LITAF: variants seen among roughly 807,000 people sequenced by gnomAD.
LITAF encodes lipopolysaccharide induced TNF factor.
In LITAF, 9 loss-of-function variants were observed where a neutral mutation model predicts 14.5. That is an observed-to-expected ratio of 0.62 (90% CI 0.37 to 1.08). The LOEUF (loss-of-function observed/expected upper bound fraction) is 1.08, where lower values mean the gene tolerates loss of function less well. Among genes scored for constraint, LITAF ranks in the 50% least tolerant of loss-of-function variants. The probability of loss-of-function intolerance (pLI) is 0.01; values close to 1 mark genes in which losing one functional copy is unlikely to be tolerated. For synonymous variants in LITAF, 98 were observed against 88.2 expected (o/e 1.11, Z -0.62); for missense variants, 206 against 213.4 (o/e 0.97, Z 0.22).
intron 3 of LITAF, among the ~76,000 whole-genome samples, chr16:11,623,618 A>C (rs9936477): frequency 0.88 from 132,603 of 151,440 alleles, 58,162 homozygotes; most frequent in East Asian, 1. Context: ...TGAGATCACA[A>C]CCTTGCACTC....
At chr16:11,622,409 A>G (rs1015421663) in intron 3 of LITAF, among the ~76,000 whole-genome samples, 11 of 152,198 alleles carry the variant, frequency 7.2e-5, no homozygotes, top group Admixed American at 6.5e-4. Flanking sequence ...CCCAGGAAAA[A>G]CAAACCCCGG....
upstream of LITAF, among the ~76,000 whole-genome samples, chr16:11,599,468 C>T (rs970887570): frequency 6.6e-6 from 1 of 152,084 alleles, no homozygotes. Context: ...CAAAACAAAA[C>T]CCTGCAAGGC....
At chr16:11,554,787 C>CA (rs56346206) in intron 2 of LITAF, among the ~76,000 whole-genome samples, 992 of 64,098 alleles carry the variant, frequency 0.015, 14 homozygotes, top group African/African-American at 0.038. Context: ...GACTCTACCT[C>CA]AAAAAAAAAA....
chr16:11,627,033 C>T (rs1399478742), intron 3 of LITAF, among the ~76,000 whole-genome samples: 2 of 152,046 alleles, frequency 1.3e-5, no homozygotes, highest in Non-Finnish European at 2.9e-5. Flanking sequence ...AGTCTGATCC[C>T]ATCCCCCTAG....
intron 2 of LITAF, among the ~76,000 whole-genome samples, chr16:11,555,850 T>C (rs952257855): frequency 1.2e-4 from 19 of 152,154 alleles, no homozygotes; most frequent in African/African-American, 4.6e-4. Context: ...CTCACTGATA[T>C]TTATAAATAG....
chr16:11,551,561 C>T (rs1318021298), intron 3 of LITAF: 2 of 468,234 alleles, frequency 4.3e-6, no homozygotes, highest in Non-Finnish European at 7.6e-6. Context: ...TTCTATTCCT[C>T]TATAATCCCA....
intron 1 of LITAF, among the ~76,000 whole-genome samples, chr16:11,596,692 G>A (rs1378164134): frequency 1.1e-5 from 1 of 91,842 alleles, no homozygotes; most frequent in Admixed American, 1.1e-4. Flanking sequence ...GGAGGGGGAA[G>A]GAGCAGGGGG....
chr16:11,572,105 TAAAC>T (rs935044834), intron 1 of LITAF, among the ~76,000 whole-genome samples: 11 of 151,800 alleles, frequency 7.2e-5, no homozygotes, highest in African/African-American at 2.2e-4. Context: ...AATAAATAAA[TAAAC>T]AAACAAACAA....
intron 1 of LITAF, among the ~76,000 whole-genome samples, chr16:11,575,742 A>G (rs1263582517): frequency 6.6e-6 from 1 of 152,170 alleles, no homozygotes; most frequent in Non-Finnish European, 1.5e-5. Flanking sequence ...TTCTCCCGAG[A>G]ACACAAAAAA....
intron 3 of LITAF, among the ~76,000 whole-genome samples, chr16:11,552,142 C>A (rs1033036798): frequency 1.3e-5 from 2 of 152,140 alleles, no homozygotes; most frequent in Admixed American, 1.3e-4. Flanking sequence ...CACCAAAGGA[C>A]AATGTGGAGG....
At chr16:11,568,027 C>G (rs2064481144) in intron 1 of LITAF, among the ~76,000 whole-genome samples, 1 of 151,672 alleles carries the variant, frequency 6.6e-6, no homozygotes, top group African/African-American at 2.4e-5. Flanking sequence ...GTGACTCACA[C>G]CTGTAATCCC....
In LITAF at chr16:11,553,435, G is replaced by C; in HGVS notation, c.377+98C>G. The C allele has an allele frequency of 7.7e-7, 1 of 1,292,646 alleles. No individual in the cohort carries two copies. The highest frequency in any genetic ancestry group is 1.5e-5 in the African/African-American group (1 of 68,592). The allele number at this position is 1,292,646 out of a possible 1,614,324, so 80.1% of individuals were successfully genotyped here. ...CAAAAAAAAACAACACAAATGTCTGGCCCTGAATGTCAAGCATGGTGCAGT... is the reference window on the plus strand; with the variant it reads ...CAAAAAAAAACAACACAAATGTCTGCCCCTGAATGTCAAGCATGGTGCAGT... On this transcript the variant is annotated intron_variant, in intron 3 of 3. Transcript: ENST00000622633. The surrounding 1 kb of genome is among the most constrained non-coding windows in gnomAD (Gnocchi z 7.7).
intron 1 of LITAF, among the ~76,000 whole-genome samples, chr16:11,576,554 A>AAAAAAAAAAAGACAG (rs1555469756): frequency 8.6e-6 from 1 of 116,642 alleles, no homozygotes; most frequent in African/African-American, 3.3e-5. Context: ...AAAAAAAAAA[A>AAAAAAAAAAAGACAG]AGAGAGAGAG....
chr16:11,592,347 G>A (rs557771235), intron 1 of LITAF, among the ~76,000 whole-genome samples: 4 of 152,184 alleles, frequency 2.6e-5, no homozygotes, highest in South Asian at 2.1e-4. Context: ...AGACTGAGGC[G>A]GGCGGCTCAC....
chr16:11,588,524 A>G (rs11647511), upstream of LITAF, among the ~76,000 whole-genome samples: 38,133 of 150,192 alleles, frequency 0.25, 5,489 homozygotes, highest in Non-Finnish European at 0.32. Context: ...AGAGAAAGAA[A>G]AAAAAAAGAA....
intron 3 of LITAF, among the ~76,000 whole-genome samples, chr16:11,618,993 CAAAA>C (rs2065034105): frequency 9.3e-6 from 1 of 107,668 alleles, no homozygotes; most frequent in Non-Finnish European, 1.8e-5. Flanking sequence ...AAAAAAAAAA[CAAAA>C]CAAACAAACA....
At chr16:11,609,850 A>T (rs1417230934) in intron 3 of LITAF, among the ~76,000 whole-genome samples, 1 of 152,156 alleles carries the variant, frequency 6.6e-6, no homozygotes, top group African/African-American at 2.4e-5. Flanking sequence ...AACGGAAAAG[A>T]CCAGGCTTTC....
At chr16:11,581,333 C>G (rs1450039380) in intron 1 of LITAF, among the ~76,000 whole-genome samples, 1 of 152,206 alleles carries the variant, frequency 6.6e-6, no homozygotes, top group African/African-American at 2.4e-5. Flanking sequence ...CCCCAAAGCA[C>G]TCAAGTTCAA....
rs535657236 is a variant in LITAF, at chr16:11,548,755, C to G, written c.*882G>C. Reference sequence around the variant, plus strand: ...CTTCGGGAGGCCAAGGCAGAAGGATCGCTTGAGCCCAGGAGTTCGACACCA... The same window carrying G: ...CTTCGGGAGGCCAAGGCAGAAGGATGGCTTGAGCCCAGGAGTTCGACACCA... On this transcript the variant is annotated 3_prime_UTR_variant, in exon 4 of 4. Coordinates refer to ENST00000622633, the MANE Select transcript of LITAF (RefSeq NM_001136472.2). 1 of 453,288 alleles carries G rather than the reference C, an allele frequency of 2.2e-6. No individual in the cohort carries two copies. Among genetic ancestry groups the G allele is most frequent in the Admixed American group, 2.4e-5 (1 of 42,474 alleles). The allele number at this position is 453,288 out of a possible 1,614,324, so 28.1% of individuals were successfully genotyped here. A position where few individuals can be genotyped will look rare whatever the true frequency, so the allele number is the denominator to read the frequency against.
Sources: allele counts gnomAD v4.1 joint callset (sites outside exome capture counted in the v4.1 genomes callset), GRCh38; gene constraint gnomAD v4.1.1; non-coding constraint Gnocchi (gnomAD v3.1); transcripts MANE v1.5; gene names NCBI Gene and HGNC (gene_info 2026-07-23, HGNC 2026-07-21).